Variants in TENM4 observed in about 807,000 individuals in gnomAD.
TENM4 encodes the protein teneurin transmembrane protein 4.
In TENM4, 82 loss-of-function variants were observed where a neutral mutation model predicts 243.3. That is an observed-to-expected ratio of 0.34 (90% CI 0.28 to 0.40). The LOEUF (loss-of-function observed/expected upper bound fraction) is 0.40, where lower values mean the gene tolerates loss of function less well. TENM4 is among the 10% of genes least tolerant of loss of function. TENM4 has a pLI of 1.00. For missense variants in TENM4, 3,138 were observed against 3,673.3 expected, an observed-to-expected ratio of 0.85 and a Z score of 3.77; for synonymous variants, 1,412 against 1,456.3, an observed-to-expected ratio of 0.97 and a Z score of 0.69.
chr11:78,702,443 T>C, intron 27 of TENM4, 40 bp from the exon 28 acceptor site: 1 of 1,580,090 alleles, frequency 6.3e-7, no homozygotes, highest in Non-Finnish European at 8.6e-7. Flanking sequence ...ACTGGCAAGA[T>C]GCCCACCACT....
At chr11:79,044,151 A>C (rs530419783) in intron 6 of TENM4, among the ~76,000 whole-genome samples, 32 of 152,230 alleles carry the variant, frequency 2.1e-4, no homozygotes, top group Non-Finnish European at 4.4e-4. Flanking sequence ...ATATGTTTAC[A>C]TGTGGGGAAA....
chr11:78,700,502 A>C (rs1355083076), intron 28 of TENM4, among the ~76,000 whole-genome samples: 1 of 152,222 alleles, frequency 6.6e-6, no homozygotes, highest in African/African-American at 2.4e-5. Context: ...TCTAATGGTG[A>C]CATATTCAGC....
At chr11:79,133,032 CA>C (rs1862042947) in intron 4 of TENM4, among the ~76,000 whole-genome samples, 1 of 151,696 alleles carries the variant, frequency 6.6e-6, no homozygotes. Context: ...AACAAAGAAA[CA>C]AAAAATACAA....
intron 18 of TENM4, among the ~76,000 whole-genome samples, chr11:78,761,505 C>G (rs1281452768): frequency 6.6e-6 from 1 of 152,136 alleles, no homozygotes; most frequent in Non-Finnish European, 1.5e-5. Context: ...TCCCAAAGTG[C>G]TGGGATTACA....
intron 1 of TENM4, among the ~76,000 whole-genome samples, chr11:79,301,551 A>C (rs1292559035): frequency 6.6e-6 from 1 of 152,064 alleles, no homozygotes; most frequent in East Asian, 1.9e-4. Flanking sequence ...ACATCTCACA[A>C]CTGTACTTAA....
chr11:79,414,446 G>T (rs1210125385), intron 1 of TENM4, among the ~76,000 whole-genome samples: 3 of 152,184 alleles, frequency 2.0e-5, no homozygotes, highest in Non-Finnish European at 2.9e-5. Context: ...AGGACCAGAA[G>T]AAAGAGTGGC....
At chr11:79,153,101 T>C (rs1862540990) in intron 3 of TENM4, among the ~76,000 whole-genome samples, 2 of 152,230 alleles carry the variant, frequency 1.3e-5, no homozygotes, top group East Asian at 3.9e-4. Flanking sequence ...TAGACACTTG[T>C]CACGAAGCTA....
At chr11:78,971,798 A>T (rs1857551916) in intron 6 of TENM4, among the ~76,000 whole-genome samples, 1 of 152,212 alleles carries the variant, frequency 6.6e-6, no homozygotes, top group Non-Finnish European at 1.5e-5. Context: ...CATTAAAAAA[A>T]ATGTTAAAAA....
At chr11:79,362,577 C>T (rs573645557) in intron 1 of TENM4, among the ~76,000 whole-genome samples, 99 of 152,288 alleles carry the variant, frequency 6.5e-4, no homozygotes, top group Non-Finnish European at 1.1e-3. Context: ...TGGGGAACAA[C>T]GGGAACTGAA....
intron 1 of TENM4, among the ~76,000 whole-genome samples, chr11:79,402,534 C>G (rs929119425): frequency 2.0e-5 from 3 of 152,116 alleles, no homozygotes; most frequent in African/African-American, 7.2e-5. Flanking sequence ...GTTTTTATAA[C>G]TCCAGGCTAC....
rs59753233 is a variant in TENM4, at chr11:79,251,878, TAA to T, written c.-264-35971_-264-35970del. Among the ~76,000 whole-genome samples the T allele has an allele frequency of 5.3e-3, 805 of 152,008 alleles. 6 individuals carry two copies. Among genetic ancestry groups the T allele is most frequent in the African/African-American group, 0.019 (768 of 41,446 alleles). ...AATGAAACAGCAGATTAAGTACAGC[TAA>T]AGAGATATTTAGTAAAATAAAAAAT... On this transcript the variant is annotated intron_variant, in intron 2 of 33. Transcript: ENST00000278550.
intron 9 of TENM4, among the ~76,000 whole-genome samples, chr11:78,873,543 A>G (rs895995620): frequency 1.3e-5 from 2 of 152,206 alleles, no homozygotes; most frequent in Non-Finnish European, 2.9e-5. Context: ...TTAAGTCCAG[A>G]TGGAACCTGC....
intron 3 of TENM4, among the ~76,000 whole-genome samples, chr11:79,163,832 CAT>C (rs1159921414): frequency 7.0e-6 from 1 of 142,920 alleles, no homozygotes; most frequent in African/African-American, 2.6e-5. Flanking sequence ...TGTATGTGTA[CAT>C]ATATATTATA....
At chr11:79,100,096 C>T (rs1049669310) in intron 4 of TENM4, among the ~76,000 whole-genome samples, 1 of 152,122 alleles carries the variant, frequency 6.6e-6, no homozygotes, top group African/African-American at 2.4e-5. Context: ...ATATCCCTCC[C>T]CTGAGCACGT....
chr11:79,137,301 A>G (rs1344583225), intron 4 of TENM4, among the ~76,000 whole-genome samples: 1 of 152,174 alleles, frequency 6.6e-6, no homozygotes, highest in Non-Finnish European at 1.5e-5. Context: ...GATTATCAAG[A>G]TGAAATCAGT....
intron 2 of TENM4, among the ~76,000 whole-genome samples, chr11:79,237,879 T>C (rs1323857951): frequency 6.6e-6 from 1 of 152,134 alleles, no homozygotes; most frequent in Non-Finnish European, 1.5e-5. Context: ...ATAATCAAAG[T>C]TCTCTAACCA....
At chr11:79,339,594 T>A (rs1857209021) in intron 1 of TENM4, among the ~76,000 whole-genome samples, 1 of 151,380 alleles carries the variant, frequency 6.6e-6, no homozygotes, top group South Asian at 2.1e-4. Flanking sequence ...TATGCCCATT[T>A]TACAGATGAA....
intron 4 of TENM4, among the ~76,000 whole-genome samples, chr11:79,135,731 GATATATACATC>G (rs1862095907): frequency 7.5e-6 from 1 of 133,748 alleles, no homozygotes; most frequent in Non-Finnish European, 1.6e-5. Context: ...ATACATATAT[GATATATACATC>G]ATATATACAT....
intron 18 of TENM4, 60 bp from the exon 19 acceptor site, chr11:78,757,081 A>G: frequency 6.7e-7 from 1 of 1,494,016 alleles, no homozygotes; most frequent in Non-Finnish European, 9.1e-7. Context: ...ATGTTTATCC[A>G]GAATGCCTTA....
Sources: gnomAD v4.1 joint callset for allele counts (sites outside exome capture counted in the v4.1 genomes callset) on GRCh38, gnomAD v4.1.1 for gene constraint, MANE v1.5 for transcripts, NCBI Gene and HGNC (gene_info 2026-07-23, HGNC 2026-07-21) for gene names.